NEBL: variants seen among roughly 807,000 people sequenced by gnomAD.
The protein encoded by NEBL is LIM and SH3 protein 2.
NEBL carries 122 observed loss-of-function variants against 140.2 expected under a neutral mutation model. The observed-to-expected ratio is 0.87, with a 90% CI of 0.75 to 1.01. The LOEUF (loss-of-function observed/expected upper bound fraction) is 1.01. NEBL is among the 50% of genes least tolerant of loss of function. The probability of loss-of-function intolerance (pLI) is 0.00; values close to 1 mark genes in which losing one functional copy is unlikely to be tolerated. For missense variants in NEBL, 1,365 were observed against 1,231.3 expected, an observed-to-expected ratio of 1.11 and a Z score of -1.62; for synonymous variants, 436 against 398.9, an observed-to-expected ratio of 1.09 and a Z score of -1.11.
At chr10:21,115,906 G>C (rs374045262) in intron 2 of NEBL, among the ~76,000 whole-genome samples, 10 of 151,408 alleles carry the variant, frequency 6.6e-5, no homozygotes, top group Non-Finnish European at 1.3e-4. Flanking sequence ...TATTTTCTAC[G>C]GTCCCACTAC....
intron 3 of NEBL, among the ~76,000 whole-genome samples, chr10:20,989,386 A>G (rs1785628197): frequency 6.6e-6 from 1 of 152,238 alleles, no homozygotes; most frequent in African/African-American, 2.4e-5. Context: ...AACCAAAATA[A>G]AAGATGATAT....
intron 16 of NEBL, among the ~76,000 whole-genome samples, chr10:20,829,894 C>T (rs1840242705): frequency 6.6e-6 from 1 of 152,112 alleles, no homozygotes; most frequent in African/African-American, 2.4e-5. Flanking sequence ...CTAGTTTTGC[C>T]TGCAAATGGG....
intron 2 of NEBL, among the ~76,000 whole-genome samples, chr10:21,085,004 C>T (rs913527234): frequency 6.6e-6 from 1 of 152,176 alleles, no homozygotes; most frequent in Admixed American, 6.5e-5. Context: ...TTATGCCAAT[C>T]TGATTTCCTC....
At chr10:20,967,561 G>C (rs1836376018) in intron 3 of NEBL, among the ~76,000 whole-genome samples, 1 of 152,098 alleles carries the variant, frequency 6.6e-6, no homozygotes, top group South Asian at 2.1e-4. Flanking sequence ...CTGGGAGGCG[G>C]AGGTTGCAGT....
At chr10:21,289,065 T>C (rs1440117838) in intron 1 of NEBL, among the ~76,000 whole-genome samples, 1 of 151,138 alleles carries the variant, frequency 6.6e-6, no homozygotes, top group Non-Finnish European at 1.5e-5. Context: ...GCCAGGCTGG[T>C]CTTGAACTCC....
At chr10:20,841,496 A>T (rs1436757540) in intron 12 of NEBL, 1 of 152,416 alleles carries the variant, frequency 6.6e-6, no homozygotes. Flanking sequence ...GCCTCAGAAT[A>T]TTTCAAGGCC....
At chr10:21,107,931 T>C (rs1712059831) in intron 2 of NEBL, among the ~76,000 whole-genome samples, 1 of 152,224 alleles carries the variant, frequency 6.6e-6, no homozygotes, top group Non-Finnish European at 1.5e-5. Flanking sequence ...ATCCATGTCT[T>C]CTAGATTTTC....
chr10:20,799,154 AATTT>A (rs981087801), intron 26 of NEBL, among the ~76,000 whole-genome samples: 2 of 152,222 alleles, frequency 1.3e-5, no homozygotes, highest in East Asian at 1.9e-4. Flanking sequence ...TCATCGCAGA[AATTT>A]ATTTATTTTA....
At chr10:21,232,561 A>G (rs2132256069) in intron 3 of NEBL, among the ~76,000 whole-genome samples, 1 of 152,346 alleles carries the variant, frequency 6.6e-6, no homozygotes, top group Non-Finnish European at 1.5e-5. Flanking sequence ...GTAACAGGTC[A>G]TCAGGCATTA....
At chr10:21,109,926 C>A (rs1249777492) in intron 2 of NEBL, among the ~76,000 whole-genome samples, 1 of 152,006 alleles carries the variant, frequency 6.6e-6, no homozygotes, top group African/African-American at 2.4e-5. Flanking sequence ...AGTGGTCTAT[C>A]TATGTTGTTA....
chr10:20,854,952 C>T lies in NEBL; in HGVS notation c.904-2303G>A, dbSNP rs190389835. ...AAAAAAGCCTTTTTTTGGCTAGGCG[C>T]GGTGGCTCACACCTGTAATCCCAGC... On this transcript the variant is annotated intron_variant, in intron 9 of 27. Transcript: ENST00000377122. 9.2e-5 allele frequency among the ~76,000 whole-genome samples: 14 copies of T among 152,022 alleles called. No individual in the cohort carries two copies. The East Asian group carries it at 2.3e-3, about 25-fold the overall frequency.
Position 21,173,816 on chromosome 10 carries a change from G to A in NEBL, c.18C>T (p.Ala6=). 6.2e-7 allele frequency: 1 copy of A among 1,612,580 alleles called. No individual in the cohort carries two copies. Among genetic ancestry groups the A allele is most frequent in the Non-Finnish European group, 8.5e-7 (1 of 1,179,770 alleles). The change falls in exon 1 of 7, where the codon GCC becomes GCT. Residue 6 remains alanine (A), a synonymous_variant. Transcript: ENST00000417816. This position sits in a 1 kb window ranked among gnomAD's most constrained non-coding sequence, Gnocchi z 5.7. The stretch of plus-strand genomic sequence containing the variant: ...TGGGATACACGACTTTTCCGCAACG[G>A]GCGCACTGGGGGTTCATGATCGCGG...
At chr10:20,822,420 T>C (rs1489320046) in intron 19 of NEBL, among the ~76,000 whole-genome samples, 1 of 151,784 alleles carries the variant, frequency 6.6e-6, no homozygotes, top group African/African-American at 2.4e-5. Flanking sequence ...TTCATAGATA[T>C]CTATACCTAT....
chr10:21,124,461 G>C (rs1838721717), intron 2 of NEBL, among the ~76,000 whole-genome samples: 2 of 152,074 alleles, frequency 1.3e-5, no homozygotes, highest in African/African-American at 4.8e-5. Context: ...AATGCTTACA[G>C]AGTGGCAGTT....
chr10:20,991,644 C>A (rs1367334795), intron 3 of NEBL, among the ~76,000 whole-genome samples: 2 of 150,172 alleles, frequency 1.3e-5, no homozygotes, highest in Non-Finnish European at 3.0e-5. Context: ...TTCAGGGGTA[C>A]CGGTGCAGTT....
intron 3 of NEBL, among the ~76,000 whole-genome samples, chr10:20,987,113 T>C (rs1339291171): frequency 6.6e-6 from 1 of 152,214 alleles, no homozygotes; most frequent in Non-Finnish European, 1.5e-5. Flanking sequence ...TAAGCTATTA[T>C]ACCATGTTGC....
At chr10:20,910,991 G>A (rs779850104) in intron 4 of NEBL, among the ~76,000 whole-genome samples, 1 of 151,832 alleles carries the variant, frequency 6.6e-6, no homozygotes, top group Non-Finnish European at 1.5e-5. Context: ...AACACAGCAA[G>A]ACCCTGTCTC....
Position 21,036,032 on chromosome 10 carries a change from G to A in NEBL, c.165-15831C>T, listed in dbSNP as rs183227250. Among the ~76,000 whole-genome samples the A allele has an allele frequency of 4.3e-4, 66 of 152,070 alleles. 1 individual carries two copies. The East Asian group carries it at 6.0e-3, about 14-fold the overall frequency. ...ACAAAAATCAGCTGGGCATGGTGGC[G>A]CGCACCTGTAATCCCAGCTACTCAG... On this transcript the variant is annotated intron_variant, in intron 2 of 6. Transcript: ENST00000417816.
intron 4 of NEBL, among the ~76,000 whole-genome samples, chr10:20,945,032 T>G (rs991617943): frequency 1.3e-5 from 2 of 152,170 alleles, no homozygotes; most frequent in Non-Finnish European, 2.9e-5. Context: ...GTTATTTCCT[T>G]ACTAAAAAAT....
Sources: gnomAD v4.1 joint callset for allele counts (sites outside exome capture counted in the v4.1 genomes callset) on GRCh38, gnomAD v4.1.1 for gene constraint, Gnocchi (gnomAD v3.1) non-coding constraint, MANE v1.5 for transcripts, NCBI Gene and HGNC (gene_info 2026-07-23, HGNC 2026-07-21) for gene names.